The following HAVCR1 variants were observed in gnomAD, a reference collection of about 807,000 sequenced individuals.
The protein encoded by HAVCR1 is hepatitis A virus cellular receptor 1.
A neutral mutation model predicts 32.0 loss-of-function variants in HAVCR1; 34 were observed. The ratio of observed to expected loss-of-function variants is 1.06; its 90% CI spans 0.81 to 1.42. HAVCR1 has a LOEUF of 1.42. Among genes scored for constraint, HAVCR1 ranks in the 40% most tolerant of loss-of-function variants. The pLI is 0.00. For synonymous variants in HAVCR1, 178 were observed against 170.3 expected (o/e 1.05, Z -0.35); for missense variants, 420 against 442.3 (o/e 0.95, Z 0.45).
intron 4 of HAVCR1, among the ~76,000 whole-genome samples, chr5:157,049,745 T>A (rs1293503385): frequency 7.2e-5 from 11 of 152,170 alleles, no homozygotes; most frequent in Middle Eastern, 6.3e-3. Context: ...TTGGTAATGA[T>A]TTACAACCCT....
chr5:157,057,362 A>AAGAGAG (rs140801641), intron 2 of HAVCR1, among the ~76,000 whole-genome samples: 1 of 130,006 alleles, frequency 7.7e-6, no homozygotes, highest in African/African-American at 3.3e-5. Flanking sequence ...AGACCTCATG[A>AAGAGAG]AGAGAGAGAG....
upstream of HAVCR1, among the ~76,000 whole-genome samples, chr5:157,063,466 G>C (rs1756535097): frequency 6.6e-6 from 1 of 151,966 alleles, no homozygotes; most frequent in South Asian, 2.1e-4. Flanking sequence ...TGTAATTTTA[G>C]CAGAGACGGG....
At chr5:157,040,534 GCCCCA>G in intron 6 of HAVCR1, among the ~76,000 whole-genome samples, 1 of 152,328 alleles carries the variant, frequency 6.6e-6, no homozygotes, top group East Asian at 1.9e-4. Context: ...ACACTAAATA[GCCCCA>G]CTTTGATCAT....
chr5:157,045,319 G>A (rs756150585), intron 5 of HAVCR1, among the ~76,000 whole-genome samples: 61 of 152,058 alleles, frequency 4.0e-4, no homozygotes, highest in Admixed American at 1.8e-3. Flanking sequence ...GCTACAGTAC[G>A]CATGAACTAC....
intron 8 of HAVCR1, 83 bp from the exon 9 acceptor site, chr5:157,029,924 G>C (rs536424242): frequency 1.6e-5 from 18 of 1,161,030 alleles, no homozygotes; most frequent in Non-Finnish European, 2.2e-5. Context: ...TTTTGTTTAT[G>C]ATCAGGCAAT....
the HAVCR1 span, among the ~76,000 whole-genome samples, chr5:157,068,816 G>A: frequency 8.9e-3 from 1,354 of 151,976 alleles, 8 homozygotes; most frequent in Non-Finnish European, 0.015. Context: ...TCACTATGTC[G>A]CCTAGGCTGG....
At chr5:157,030,945 C>T (rs1203560951) in intron 8 of HAVCR1, among the ~76,000 whole-genome samples, 1 of 151,120 alleles carries the variant, frequency 6.6e-6, no homozygotes, top group Non-Finnish European at 1.5e-5. Context: ...TCAAATGACT[C>T]AGTGTGATAT....
At chr5:157,038,979 C>T (rs1306179046) in intron 6 of HAVCR1, among the ~76,000 whole-genome samples, 3 of 152,068 alleles carry the variant, frequency 2.0e-5, no homozygotes, top group African/African-American at 4.8e-5. Context: ...ACTGGCCAGG[C>T]GTGGTGATGC....
At chr5:157,063,613 A>G (rs1756540047), upstream of HAVCR1, among the ~76,000 whole-genome samples, 1 of 152,200 alleles carries the variant, frequency 6.6e-6, no homozygotes, top group African/African-American at 2.4e-5. Flanking sequence ...CTGAAAAATA[A>G]ATATACAGAT....
upstream of HAVCR1, among the ~76,000 whole-genome samples, chr5:157,061,175 GGT>G (rs1014938342): frequency 2.0e-5 from 3 of 152,076 alleles, no homozygotes; most frequent in African/African-American, 7.2e-5. Context: ...TGGAATTACA[GGT>G]GTGAGCCGCC....
intron 3 of HAVCR1, among the ~76,000 whole-genome samples, chr5:157,054,462 G>A (rs777809694): frequency 6.6e-6 from 1 of 151,948 alleles, no homozygotes; most frequent in African/African-American, 2.4e-5. Flanking sequence ...CCACGATTGT[G>A]ACATTGCACT....
intron 7 of HAVCR1, among the ~76,000 whole-genome samples, chr5:157,036,238 G>A (rs568557094): frequency 4.6e-5 from 7 of 152,298 alleles, no homozygotes; most frequent in African/African-American, 1.7e-4. Context: ...CAGCACTTTG[G>A]GAGGCCAAGG....
the HAVCR1 span, among the ~76,000 whole-genome samples, chr5:157,068,249 G>C: frequency 6.6e-6 from 1 of 152,068 alleles, no homozygotes; most frequent in Non-Finnish European, 1.5e-5. Context: ...ACCCCAGCCT[G>C]GGTGACAGAG....
rs751833165 is a variant in HAVCR1 at position 157,049,026 on chromosome 5, G to A, written c.781+12C>T. The A allele has an allele frequency of 8.4e-6, 12 of 1,437,034 alleles. No individual in the cohort carries two copies. Among genetic ancestry groups the A allele is most frequent in the Non-Finnish European group, 9.8e-6 (10 of 1,018,312 alleles). The allele number at this position is 1,437,034 out of a possible 1,614,324, so 89.0% of individuals were successfully genotyped here. ...AATGATCCCAGGTCTTCAGGAAAGA[G>A]AACGCAGTTACCTGTTGTGTAAGAG... On this transcript the variant is annotated intron_variant, in intron 5 of 8. Transcript: ENST00000523175.
At chr5:157,048,168 G>C (rs192338599) in intron 5 of HAVCR1, among the ~76,000 whole-genome samples, 3 of 152,254 alleles carry the variant, frequency 2.0e-5, no homozygotes, top group Admixed American at 1.3e-4. Flanking sequence ...ATGAATCAGT[G>C]GAAGCCTCCT....
chr5:157,033,706 C>T (rs1376642619), intron 7 of HAVCR1, among the ~76,000 whole-genome samples: 1 of 152,122 alleles, frequency 6.6e-6, no homozygotes, highest in Non-Finnish European at 1.5e-5. Flanking sequence ...TTCATCTCCC[C>T]TAAAAATCAT....
At chr5:157,056,597 G>C (rs1025020167) in intron 2 of HAVCR1, among the ~76,000 whole-genome samples, 1 of 150,528 alleles carries the variant, frequency 6.6e-6, no homozygotes, top group Non-Finnish European at 1.5e-5. Flanking sequence ...AGCCAGGATG[G>C]TCTCGATTTC....
chr5:157,034,608 C>A (rs939906370), intron 7 of HAVCR1, among the ~76,000 whole-genome samples: 1 of 151,874 alleles, frequency 6.6e-6, no homozygotes, highest in Admixed American at 6.6e-5. Context: ...TTTCCCTTCC[C>A]ACAAGGCCAT....
At chr5:157,066,384 A>G in the HAVCR1 span, among the ~76,000 whole-genome samples, 9 of 152,006 alleles carry the variant, frequency 5.9e-5, no homozygotes, top group Non-Finnish European at 2.9e-5. Flanking sequence ...GAGTGCCTAT[A>G]GTACCAGCCA....
Sources: gnomAD v4.1 joint callset for allele counts (sites outside exome capture counted in the v4.1 genomes callset) on GRCh38, gnomAD v4.1.1 for gene constraint, MANE v1.5 for transcripts, NCBI Gene and HGNC (gene_info 2026-07-23, HGNC 2026-07-21) for gene names.